Variants in TPPP2 observed in about 807,000 individuals in gnomAD.
TPPP2 encodes the protein tubulin polymerization promoting protein family member 2.
TPPP2 carries 8 observed loss-of-function variants against 13.0 expected under a neutral mutation model. The ratio of observed to expected loss-of-function variants is 0.62; its 90% CI spans 0.36 to 1.11. TPPP2 has a LOEUF of 1.11. Among genes scored for constraint, TPPP2 ranks in the 50% most tolerant of loss-of-function variants. The pLI is 0.02. For synonymous variants in TPPP2, 81 were observed against 81.8 expected (o/e 0.99, Z 0.05); for missense variants, 213 against 216.9 (o/e 0.98, Z 0.11).
At position 21,031,024 on chromosome 14, in the gene TPPP2, C is replaced by G; in HGVS notation, c.186C>G (p.Ala62=). The change falls in exon 3 of 4, where the codon GCC becomes GCG. Residue 62 remains alanine (A), a synonymous_variant. Transcript: ENST00000321760. ...TCTAACTGACCAGGGCCAAGAACGC[C>G]CGAACCATCACGTTTCAACAGTTCA... ...IVFSKVKAKN[A]RTITFQQFKE... is the part of the protein sequence containing the mutation. 6.2e-7 allele frequency: 1 copy of G among 1,609,714 alleles called. No individual in the cohort carries two copies. Among genetic ancestry groups the G allele is most frequent in the South Asian group, 1.1e-5 (1 of 90,236 alleles).
chr14:21,025,037 G>A lies in TPPP2; in HGVS notation n.236+693G>A. 1 of 985,530 alleles carries A rather than the reference G, an allele frequency of 1.0e-6. No individual in the cohort carries two copies. The highest frequency in any genetic ancestry group is 1.2e-6 in the Non-Finnish European group (1 of 830,306). The allele number at this position is 985,530 out of a possible 1,614,324, so 61.0% of individuals were successfully genotyped here. The stretch of plus-strand genomic sequence containing the variant: ...CCTGCCCCTCCCCCTACCTGCTGCC[G>A]CCGCGGCCGCTTCCACCTTCACTTG... On this transcript the variant is annotated intron_variant and non_coding_transcript_variant, in intron 1 of 1. Transcript: ENST00000533755. The surrounding 1 kb of genome is among the most constrained non-coding windows in gnomAD (Gnocchi z 5.1).
chr14:21,033,569 G>A (rs1566489871), downstream of TPPP2: 11 of 551,106 alleles, frequency 2.0e-5, no homozygotes, highest in Non-Finnish European at 3.3e-5. Context: ...GGGTTTTACT[G>A]TCTCTGGGAG....
downstream of TPPP2, among the ~76,000 whole-genome samples, chr14:21,035,362 C>T (rs1384745864): frequency 3.3e-5 from 5 of 152,318 alleles, no homozygotes; most frequent in African/African-American, 7.2e-5. Flanking sequence ...TGATCCGTTT[C>T]GTACTGTTGG....
intron 3 of TPPP2, 149 bp downstream of exon 3, chr14:21,031,314 A>G: frequency 9.2e-7 from 1 of 1,089,530 alleles, no homozygotes; most frequent in Admixed American, 3.2e-5. Flanking sequence ...AGTCAGGAAA[A>G]TGTGGCCCAG....
At chr14:21,029,610 G>A (rs549558392), upstream of TPPP2, among the ~76,000 whole-genome samples, 9 of 152,114 alleles carry the variant, frequency 5.9e-5, no homozygotes, top group South Asian at 2.1e-4. Context: ...AAATAAATAC[G>A]CAAATAAATA....
At chr14:21,036,175 C>T (rs1233971063), downstream of TPPP2, 1 of 456,322 alleles carries the variant, frequency 2.2e-6, no homozygotes, top group East Asian at 6.9e-5. Flanking sequence ...CTCTTCCATT[C>T]TTATTTCTTC....
downstream of TPPP2, chr14:21,034,017 C>T (rs542133633): frequency 6.2e-7 from 1 of 1,614,138 alleles, no homozygotes; most frequent in Non-Finnish European, 8.5e-7. Flanking sequence ...CTCACAGAAG[C>T]TGTCACTATA....
chr14:21,035,798 C>T (rs1364523833), downstream of TPPP2: 1 of 456,146 alleles, frequency 2.2e-6, no homozygotes, highest in Non-Finnish European at 4.4e-6. Context: ...ACTCAGTTTC[C>T]CTGGTTACCT....
downstream of TPPP2, chr14:21,034,511 C>T (rs1041862993): frequency 1.1e-5 from 6 of 567,464 alleles, no homozygotes; most frequent in Non-Finnish European, 1.9e-5. Flanking sequence ...ACCACAGAAT[C>T]TCAGCCTCTG....
At position 21,030,755 on chromosome 14, in the gene TPPP2, G is replaced by A; in HGVS notation, c.173+1G>A. On this transcript the variant is annotated splice_donor_variant, in intron 2 of 3. Coordinates refer to ENST00000321760, the MANE Select transcript of TPPP2 (RefSeq NM_173846.5). LOFTEE classifies it high-confidence loss of function. ...TGGACATCGTGTTCAGCAAAGTCAA[G>A]TGAGGAGCCAAAAATATGGAGGTGG... 2 of 1,613,540 alleles carry A rather than the reference G, an allele frequency of 1.2e-6. No homozygotes were observed. The highest frequency in any genetic ancestry group is 1.1e-5 in the South Asian group (1 of 90,978).
rs1487236164 is a variant in TPPP2 at position 21,032,130 on chromosome 14, A to G, written c.*53A>G. The G allele has an allele frequency of 6.4e-7, 1 of 1,568,756 alleles. No individual in the cohort carries two copies. The highest frequency in any genetic ancestry group is 8.7e-7 in the Non-Finnish European group (1 of 1,143,092). ...CCCCTGACCCTGCATGTTTAACACC[A>G]GGGAGCTTGGAAAACAATAAACATC... On this transcript the variant is annotated 3_prime_UTR_variant, in exon 4 of 4. Coordinates refer to ENST00000321760, the MANE Select transcript of TPPP2 (RefSeq NM_173846.5).
intron 2 of TPPP2, 125 bp downstream of exon 2, chr14:21,030,879 G>A: frequency 6.6e-7 from 1 of 1,506,484 alleles, no homozygotes; most frequent in Non-Finnish European, 9.0e-7. Flanking sequence ...CTGGCGCTGT[G>A]CTATCCTTTG....
At chr14:21,028,661 G>A (rs1883861062), upstream of TPPP2, 1 of 152,122 alleles carries the variant, frequency 6.6e-6, no homozygotes, top group Admixed American at 6.5e-5. Flanking sequence ...TTGAGCAGGA[G>A]TAATAAAAAA....
chr14:21,025,138 C>G lies in TPPP2; in HGVS notation n.236+794C>G, dbSNP rs1051237613. On this transcript the variant is annotated intron_variant and non_coding_transcript_variant, in intron 1 of 1. Transcript: ENST00000533755. This position sits in a 1 kb window ranked among gnomAD's most constrained non-coding sequence, Gnocchi z 5.1. ...GCCCGCCCCAGCCCGCCCACGGGCG[C>G]TAGGCTCCCCGCAGACCCGCCCCAG... The G allele has an allele frequency of 2.1e-6, 2 of 974,384 alleles. No individual in the cohort carries two copies. Among genetic ancestry groups the G allele is most frequent in the African/African-American group, 3.5e-5 (2 of 57,058 alleles). 60.4% of individuals were successfully genotyped at this position (974,384 alleles called of 1,614,324 possible).
chr14:21,024,808 G>A lies in TPPP2; in HGVS notation n.236+464G>A, dbSNP rs927872611. On this transcript the variant is annotated intron_variant and non_coding_transcript_variant, in intron 1 of 1. Transcript: ENST00000533755. ...GGAGACTGACACCCTTGCGTGGCCG[G>A]TGCCAAGCGCCCCGGACCTTGCACA... 88 of 985,514 alleles carry A rather than the reference G, an allele frequency of 8.9e-5. No individual in the cohort carries two copies. The African/African-American group carries it at 1.5e-3, about 16-fold the overall frequency. 61.0% of individuals were successfully genotyped at this position (985,514 alleles called of 1,614,324 possible). A position where few individuals can be genotyped will look rare whatever the true frequency, so the allele number is the denominator to read the frequency against.
intron 1 of TPPP2, chr14:21,024,770 A>G: frequency 1.0e-6 from 1 of 985,536 alleles, no homozygotes; most frequent in Non-Finnish European, 1.2e-6. Context: ...GTCCCTACGC[A>G]GCCCGTCCGC....
In TPPP2 at chr14:21,032,227, A is replaced by G. The variant is rs991468536; in HGVS notation, c.*150A>G. On this transcript the variant is annotated 3_prime_UTR_variant, in exon 4 of 4. Coordinates refer to ENST00000321760, the MANE Select transcript of TPPP2 (RefSeq NM_173846.5). ...CTACTAGTGTAGAGAGAGGGAGAAG[A>G]GGCAGCACAGGAGGGTGGGTTCTCC... is the stretch of plus-strand genomic sequence containing the variant. The G allele has an allele frequency of 2.4e-6, 2 of 834,810 alleles. No homozygotes were observed. Among genetic ancestry groups the G allele is most frequent in the Non-Finnish European group, 4.0e-6 (2 of 503,878 alleles). The allele number at this position is 834,810 out of a possible 1,614,324, so 51.7% of individuals were successfully genotyped here. A position where few individuals can be genotyped will look rare whatever the true frequency, so the allele number is the denominator to read the frequency against.
upstream of TPPP2, among the ~76,000 whole-genome samples, chr14:21,026,336 C>A (rs1484379936): frequency 1.4e-5 from 2 of 147,460 alleles, no homozygotes; most frequent in Non-Finnish European, 3.0e-5. Context: ...AGGATCATAT[C>A]CACCCCAACC....
At chr14:21,031,704 C>T (rs774049458) in intron 3 of TPPP2, among the ~76,000 whole-genome samples, 188 bp from the exon 4 acceptor site, 2 of 152,256 alleles carry the variant, frequency 1.3e-5, no homozygotes, top group East Asian at 1.9e-4. Flanking sequence ...CCTCCTCCCC[C>T]ATGAGTGAAC....
Sources: gnomAD v4.1 joint callset for allele counts (sites outside exome capture counted in the v4.1 genomes callset) on GRCh38, gnomAD v4.1.1 for gene constraint, Gnocchi (gnomAD v3.1) non-coding constraint, MANE v1.5 for transcripts, NCBI Gene and HGNC (gene_info 2026-07-23, HGNC 2026-07-21) for gene names.